Variants in PUDP observed in about 807,000 individuals in gnomAD.
PUDP encodes pseudouridine-5'-phosphatase.
A neutral mutation model predicts 9.4 loss-of-function variants in PUDP; 8 were observed. The observed-to-expected ratio is 0.85, with a 90% CI of 0.50 to 1.53. The LOEUF (loss-of-function observed/expected upper bound fraction) is 1.53. Ranked by LOEUF, PUDP falls within the 40% of genes most tolerant of loss-of-function variation. The probability of loss-of-function intolerance (pLI) is 0.00; values close to 1 mark genes in which losing one functional copy is unlikely to be tolerated. For missense variants in PUDP, 188 were observed against 189.7 expected (o/e 0.99, Z 0.05); for synonymous variants, 99 against 80.7 (o/e 1.23, Z -1.22).
In PUDP at chrX:6,731,052, T is replaced by C. The variant is rs185177483; in HGVS notation, c.*248-24586A>G. On this transcript the variant is annotated intron_variant and NMD_transcript_variant, in intron 3 of 3. Coordinates refer to the PUDP transcript ENST00000655425. ...TAGTCCAAACCCTTGCCAAGGGATGTAGTCTTTTTATTTTTATTTTATTTT... is the reference window on the plus strand; with the variant it reads ...TAGTCCAAACCCTTGCCAAGGGATGCAGTCTTTTTATTTTTATTTTATTTT... Among the ~76,000 whole-genome samples the C allele has an allele frequency of 3.9e-3, 368 of 95,573 alleles. 1 individual carries two copies. The highest frequency in any genetic ancestry group is 0.013 in the African/African-American group (351 of 26,167). 83.0% of individuals were successfully genotyped at this position (95,573 alleles called of 115,157 possible). A position where few individuals can be genotyped will look rare whatever the true frequency, so the allele number is the denominator to read the frequency against.
At chrX:6,841,551 T>C (rs1195678387) in intron 3 of PUDP, among the ~76,000 whole-genome samples, 1 of 110,074 alleles carries the variant, frequency 9.1e-6, no homozygotes, top group Non-Finnish European at 1.9e-5. Flanking sequence ...CAGTGAGCCA[T>C]GTTCATGCCA....
chrX:6,837,473 C>T (rs765137377), intron 3 of PUDP, among the ~76,000 whole-genome samples: 5 of 112,899 alleles, frequency 4.4e-5, no homozygotes, highest in South Asian at 3.6e-4. Context: ...AATGGCCTAC[C>T]GTTAGCAAAT....
intron 3 of PUDP, among the ~76,000 whole-genome samples, chrX:6,888,104 T>A (rs1351190126): frequency 9.0e-6 from 1 of 111,218 alleles, no homozygotes; most frequent in Non-Finnish European, 1.9e-5. Flanking sequence ...ATATTAATAA[T>A]TGTTACTTGA....
chrX:6,812,167 G>A (rs929142985), intron 3 of PUDP, among the ~76,000 whole-genome samples: 3 of 112,117 alleles, frequency 2.7e-5, no homozygotes, highest in African/African-American at 9.7e-5. Flanking sequence ...AAATTACAGT[G>A]AGAAAGGTGT....
intron 3 of PUDP, among the ~76,000 whole-genome samples, chrX:7,067,160 A>G (rs1930580759): frequency 8.9e-6 from 1 of 112,137 alleles, no homozygotes; most frequent in Non-Finnish European, 1.9e-5. Context: ...TTTCTCTAGC[A>G]TTTAGTGAAA....
intron 3 of PUDP, among the ~76,000 whole-genome samples, chrX:6,939,103 C>G (rs898481868): frequency 1.8e-5 from 2 of 109,745 alleles, no homozygotes; most frequent in African/African-American, 6.6e-5. Flanking sequence ...AAAACTTTTA[C>G]CTTTAAGGAA....
At chrX:7,077,134 C>CA (rs762395529) in intron 3 of PUDP, 86 bp downstream of exon 3, 5 of 1,134,154 alleles carry the variant, frequency 4.4e-6, no homozygotes, top group Admixed American at 5.5e-5. Context: ...CAAACCACAA[C>CA]TTTTCACATT....
intron 1 of PUDP, among the ~76,000 whole-genome samples, chrX:6,707,317 G>A (rs1924481834): frequency 8.9e-6 from 1 of 111,765 alleles, no homozygotes; most frequent in Non-Finnish European, 1.9e-5. Flanking sequence ...GACTGGTTTT[G>A]TGGAAGACAA....
At chrX:7,034,699 A>G (rs1929832193) in intron 1 of PUDP, among the ~76,000 whole-genome samples, 1 of 111,772 alleles carries the variant, frequency 8.9e-6, no homozygotes, top group Non-Finnish European at 1.9e-5. Flanking sequence ...TAATCTATCT[A>G]TGCAGAACTG....
intron 1 of PUDP, among the ~76,000 whole-genome samples, chrX:6,710,047 C>T (rs767321943): frequency 5.4e-5 from 6 of 111,827 alleles, no homozygotes; most frequent in Admixed American, 4.7e-4. Flanking sequence ...CACTTGAACC[C>T]GGGAGGTGGA....
At chrX:6,998,171 T>C (rs985650224) in intron 1 of PUDP, among the ~76,000 whole-genome samples, 9 of 111,517 alleles carry the variant, frequency 8.1e-5, no homozygotes, top group African/African-American at 2.9e-4. Flanking sequence ...CTGTCTCCTG[T>C]TGGCCATTTT....
intron 3 of PUDP, among the ~76,000 whole-genome samples, chrX:6,729,075 T>A (rs986189571): frequency 2.5e-4 from 28 of 111,682 alleles, no homozygotes; most frequent in Non-Finnish European, 4.7e-4. Context: ...GTTCCTCACA[T>A]CACATTAAGG....
chrX:6,717,035 CTGGG>C (rs1924608908), intron 1 of PUDP, among the ~76,000 whole-genome samples: 1 of 111,638 alleles, frequency 9.0e-6, no homozygotes, highest in Non-Finnish European at 1.9e-5. Flanking sequence ...TCCCAAAGTG[CTGGG>C]ACCATGGGCA....
At chrX:7,086,431 G>A (rs1461109661) in intron 2 of PUDP, among the ~76,000 whole-genome samples, 2 of 112,256 alleles carry the variant, frequency 1.8e-5, no homozygotes, top group African/African-American at 3.2e-5. Context: ...AGTTCTGTAT[G>A]TTTATCTATT....
intron 3 of PUDP, among the ~76,000 whole-genome samples, chrX:6,780,340 C>T (rs779978030): frequency 1.0e-4 from 11 of 110,124 alleles, no homozygotes; most frequent in Non-Finnish European, 1.3e-4. Flanking sequence ...CATCAAACCA[C>T]ACCATGTCTA....
chrX:6,825,802 G>A (rs1428416433), intron 3 of PUDP, among the ~76,000 whole-genome samples: 5 of 111,128 alleles, frequency 4.5e-5, no homozygotes, highest in African/African-American at 1.6e-4. Context: ...CAAGAGAACA[G>A]ATCTATCCCT....
chrX:6,831,265 T>C (rs1926500209), intron 3 of PUDP, among the ~76,000 whole-genome samples: 1 of 112,063 alleles, frequency 8.9e-6, no homozygotes, highest in Admixed American at 9.4e-5. Flanking sequence ...TTTGGGGAGG[T>C]TCAGAATCTT....
intron 3 of PUDP, among the ~76,000 whole-genome samples, chrX:6,879,123 C>T (rs1465856918): frequency 9.0e-6 from 1 of 111,696 alleles, no homozygotes; most frequent in Non-Finnish European, 1.9e-5. Context: ...AACATATACC[C>T]TCAATCACTG....
At chrX:6,807,181 T>G (rs780549340) in intron 3 of PUDP, among the ~76,000 whole-genome samples, 65 of 112,651 alleles carry the variant, frequency 5.8e-4, no homozygotes, top group Non-Finnish European at 6.6e-4. Flanking sequence ...TGTTTGCTTT[T>G]GGGTTGCTTT....
Sources: allele counts gnomAD v4.1 joint callset (sites outside exome capture counted in the v4.1 genomes callset), GRCh38; gene constraint gnomAD v4.1.1; transcripts MANE v1.5; gene names NCBI Gene and HGNC (gene_info 2026-07-23, HGNC 2026-07-21).